The following KCNH5 variants were observed in gnomAD, a reference collection of about 807,000 sequenced individuals.
KCNH5 encodes the protein voltage-gated delayed rectifier potassium channel KCNH5.
A neutral mutation model predicts 96.1 loss-of-function variants in KCNH5; 46 were observed. That is an observed-to-expected ratio of 0.48 (90% CI 0.38 to 0.61). The LOEUF (loss-of-function observed/expected upper bound fraction) is 0.61. KCNH5 is among the 20% of genes least tolerant of loss of function. The pLI, the probability that KCNH5 is intolerant of heterozygous loss-of-function variation, is 0.00. For missense variants in KCNH5, 907 were observed against 1,225.8 expected (o/e 0.74, Z 3.88); for synonymous variants, 439 against 449.8 (o/e 0.98, Z 0.30).
intron 10 of KCNH5, among the ~76,000 whole-genome samples, chr14:62,757,070 T>C (rs1316956480): frequency 5.3e-5 from 8 of 152,118 alleles, no homozygotes; most frequent in Admixed American, 4.6e-4. Flanking sequence ...AACCAGAATA[T>C]ATAAGGAGCT....
chr14:63,044,775 T>C (rs1049013378), intron 1 of KCNH5, among the ~76,000 whole-genome samples: 4 of 152,042 alleles, frequency 2.6e-5, no homozygotes, highest in East Asian at 1.9e-4. Context: ...TGGGGAAAAA[T>C]GTGGGAGAAG....
intron 7 of KCNH5, among the ~76,000 whole-genome samples, chr14:62,857,656 T>C (rs1266323964): frequency 1.3e-5 from 2 of 152,028 alleles, no homozygotes; most frequent in East Asian, 3.9e-4. Flanking sequence ...GCTAGGCCAG[T>C]CTAATCTTTT....
chr14:62,826,382 T>G (rs1171375364), intron 8 of KCNH5, among the ~76,000 whole-genome samples: 3 of 141,656 alleles, frequency 2.1e-5, no homozygotes, highest in African/African-American at 8.0e-5. Flanking sequence ...TGTTGAGATT[T>G]TGTGTGTGTG....
chr14:62,715,921 T>G (rs1884675820), intron 10 of KCNH5, among the ~76,000 whole-genome samples: 2 of 152,116 alleles, frequency 1.3e-5, no homozygotes, highest in South Asian at 2.1e-4. Flanking sequence ...ATGCCTAATG[T>G]AAGAAGGATT....
At chr14:62,747,615 T>TA (rs1395310271) in intron 10 of KCNH5, among the ~76,000 whole-genome samples, 8 of 152,202 alleles carry the variant, frequency 5.3e-5, no homozygotes, top group Admixed American at 2.6e-4. Flanking sequence ...TAGGTCAAGT[T>TA]AAATCAACTA....
At chr14:62,875,929 G>A (rs952790711) in intron 7 of KCNH5, among the ~76,000 whole-genome samples, 3 of 152,200 alleles carry the variant, frequency 2.0e-5, no homozygotes, top group East Asian at 1.9e-4. Flanking sequence ...AGCACTTTGG[G>A]AGGCCGAGGC....
chr14:62,778,902 T>C (rs1886151736), intron 10 of KCNH5, among the ~76,000 whole-genome samples: 1 of 152,258 alleles, frequency 6.6e-6, no homozygotes, highest in African/African-American at 2.4e-5. Context: ...GTATAGACAT[T>C]AATTTATCTC....
intron 4 of KCNH5, among the ~76,000 whole-genome samples, chr14:62,998,033 T>C (rs765794173): frequency 1.7e-4 from 26 of 152,170 alleles, no homozygotes; most frequent in Non-Finnish European, 2.8e-4. Context: ...CTGCTTCTAT[T>C]ATCTGGAAAA....
intron 2 of KCNH5, among the ~76,000 whole-genome samples, chr14:63,009,765 T>A (rs1891191432): frequency 6.6e-6 from 1 of 152,190 alleles, no homozygotes; most frequent in African/African-American, 2.4e-5. Context: ...GGCACATTTG[T>A]TTATTTGCTT....
intron 2 of KCNH5, among the ~76,000 whole-genome samples, chr14:63,010,371 G>A (rs537061922): frequency 6.6e-6 from 1 of 152,148 alleles, no homozygotes; most frequent in Non-Finnish European, 1.5e-5. Flanking sequence ...GGACTAGAAT[G>A]CCCCTTCCCC....
At chr14:62,807,984 A>G (rs80345712) in intron 8 of KCNH5, among the ~76,000 whole-genome samples, 4,847 of 152,204 alleles carry the variant, frequency 0.032, 151 homozygotes, top group South Asian at 0.084. Flanking sequence ...CATGCCCCCT[A>G]GCTATGCTGG....
At chr14:62,864,278 G>T (rs185652303) in intron 7 of KCNH5, among the ~76,000 whole-genome samples, 2 of 152,196 alleles carry the variant, frequency 1.3e-5, no homozygotes, top group Admixed American at 6.5e-5. Context: ...ATATTTTTCA[G>T]AAAAGTAGAA....
At position 62,879,345 on chromosome 14, in the gene KCNH5, G is replaced by A. The variant is rs1334494044; in HGVS notation, c.1370-29493C>T. 5.9e-5 allele frequency among the ~76,000 whole-genome samples: 9 copies of A among 152,032 alleles called. No individual in the cohort carries two copies. In the East Asian group the frequency reaches 9.6e-4, roughly 16 times the overall value. On this transcript the variant is annotated intron_variant, in intron 7 of 10. Transcript: ENST00000322893. ...TAAACCATATGACCAACAGTCCCAC[G>A]TAATCTCCGTGATTATACTCTAATT...
At chr14:62,723,090 T>C (rs968196668) in intron 10 of KCNH5, among the ~76,000 whole-genome samples, 5 of 152,182 alleles carry the variant, frequency 3.3e-5, no homozygotes, top group African/African-American at 1.2e-4. Flanking sequence ...TGGCTGTGAC[T>C]CAGGGGGAAC....
intron 10 of KCNH5, among the ~76,000 whole-genome samples, chr14:62,727,090 C>A (rs536338010): frequency 3.5e-4 from 54 of 152,228 alleles, no homozygotes; most frequent in African/African-American, 1.2e-3. Flanking sequence ...TAGGGGCAGG[C>A]AGAGTGGCTT....
intron 7 of KCNH5, among the ~76,000 whole-genome samples, chr14:62,880,979 G>A (rs1437467237): frequency 6.6e-6 from 1 of 152,172 alleles, no homozygotes; most frequent in Admixed American, 6.5e-5. Context: ...TTGACACAGA[G>A]GGAGAAAAGA....
chr14:62,920,681 T>C (rs1177638325), intron 7 of KCNH5, among the ~76,000 whole-genome samples: 3 of 152,030 alleles, frequency 2.0e-5, no homozygotes, highest in African/African-American at 7.2e-5. Context: ...GAAATAAAAA[T>C]TACAATCTTG....
intron 8 of KCNH5, among the ~76,000 whole-genome samples, chr14:62,819,374 T>C (rs1230438846): frequency 6.6e-6 from 1 of 152,138 alleles, no homozygotes; most frequent in East Asian, 1.9e-4. Context: ...AGACCACATA[T>C]TATATGATTC....
intron 7 of KCNH5, among the ~76,000 whole-genome samples, chr14:62,899,817 G>A (rs1364351342): frequency 1.5e-5 from 2 of 133,746 alleles, no homozygotes; most frequent in Non-Finnish European, 1.6e-5. Context: ...CTGGGCGACA[G>A]AGCGAGACTC....
Sources: allele counts gnomAD v4.1 joint callset (sites outside exome capture counted in the v4.1 genomes callset), GRCh38; gene constraint gnomAD v4.1.1; transcripts MANE v1.5; gene names NCBI Gene and HGNC (gene_info 2026-07-23, HGNC 2026-07-21).